CCNY: variants seen among roughly 807,000 people sequenced by gnomAD.
The protein encoded by CCNY is cyclin-Y.
A neutral mutation model predicts 42.8 loss-of-function variants in CCNY; 19 were observed. The observed-to-expected ratio is 0.44, with a 90% CI of 0.31 to 0.65. The LOEUF is 0.65. Among genes scored for constraint, CCNY ranks in the 30% least tolerant of loss-of-function variants. The pLI is 0.07. For synonymous variants in CCNY, 165 were observed against 162.7 expected (o/e 1.01, Z -0.11); for missense variants, 370 against 437.3 (o/e 0.85, Z 1.37).
chr10:35,333,945 A>T (rs1010405023), upstream of CCNY, among the ~76,000 whole-genome samples: 1 of 151,340 alleles, frequency 6.6e-6, no homozygotes, highest in Admixed American at 6.6e-5. Flanking sequence ...TTTTCTCTCC[A>T]GGATTCTTGA....
intron 3 of CCNY, among the ~76,000 whole-genome samples, chr10:35,253,841 T>C (rs1257149379): frequency 6.6e-6 from 1 of 151,824 alleles, no homozygotes; most frequent in African/African-American, 2.4e-5. Context: ...GCTATTGATG[T>C]TGCTCTCAAT....
At chr10:35,374,090 A>G (rs1387862428) in intron 1 of CCNY, among the ~76,000 whole-genome samples, 2 of 152,220 alleles carry the variant, frequency 1.3e-5, no homozygotes, top group Non-Finnish European at 2.9e-5. Context: ...CGTTTTCCCA[A>G]TTAAAGCCCC....
chr10:35,422,157 C>G (rs1286304563), intron 1 of CCNY, among the ~76,000 whole-genome samples: 2 of 152,112 alleles, frequency 1.3e-5, no homozygotes, highest in Non-Finnish European at 2.9e-5. Flanking sequence ...TTACACCTTT[C>G]TATTCTTTTA....
chr10:35,356,254 C>A (rs1156732349), intron 1 of CCNY, among the ~76,000 whole-genome samples: 2 of 152,152 alleles, frequency 1.3e-5, no homozygotes, highest in Non-Finnish European at 2.9e-5. Flanking sequence ...GGGTAGTTTT[C>A]ATTTTTGTTC....
intron 3 of CCNY, among the ~76,000 whole-genome samples, chr10:35,277,050 T>G (rs1030120832): frequency 6.6e-6 from 1 of 152,194 alleles, no homozygotes; most frequent in African/African-American, 2.4e-5. Context: ...TCATGCATAT[T>G]CTAGCTCCTG....
At position 35,465,938 on chromosome 10, in the gene CCNY, A is replaced by AGAGAGAGAGAGAGTGTGTGT; in HGVS notation, c.155-17465_155-17464insAGAGAGAGAGAGTGTGTGTG. 1.1e-3 allele frequency among the ~76,000 whole-genome samples: 92 copies of AGAGAGAGAGAGAGTGTGTGT among 81,014 alleles called. 1 individual carries two copies. The highest frequency in any genetic ancestry group is 3.5e-3 in the South Asian group (7 of 1,980). The allele number at this position is 81,014 out of a possible 152,430, so 53.1% of individuals were successfully genotyped here. A position where few individuals can be genotyped will look rare whatever the true frequency, so the allele number is the denominator to read the frequency against. ...GAGAGAGAGAGAGAGAGAGAGAGAG[A>AGAGAGAGAGAGAGTGTGTGT]GTGTGTGTGTGTGTGTGTGTGTCTG... On this transcript the variant is annotated intron_variant, in intron 1 of 9. Coordinates refer to ENST00000374704, the MANE Select transcript of CCNY (RefSeq NM_145012.6).
At chr10:35,555,804 T>TAATATCAAG (rs983872884) in intron 8 of CCNY, among the ~76,000 whole-genome samples, 1 of 152,230 alleles carries the variant, frequency 6.6e-6, no homozygotes, top group Non-Finnish European at 1.5e-5. Context: ...GAAATTAACT[T>TAATATCAAG]AATATCAAGA....
chr10:35,534,907 G>T (rs1407128837), intron 7 of CCNY, among the ~76,000 whole-genome samples: 1 of 150,706 alleles, frequency 6.6e-6, no homozygotes, highest in Non-Finnish European at 1.5e-5. Context: ...AGCATGTATA[G>T]TATGTCCTTT....
At chr10:35,265,261 T>C (rs530820817) in intron 3 of CCNY, among the ~76,000 whole-genome samples, 1 of 152,332 alleles carries the variant, frequency 6.6e-6, no homozygotes, top group Admixed American at 6.5e-5. Flanking sequence ...CCTATTGCGA[T>C]GGACATAATG....
chr10:35,555,780 G>A (rs907415758), intron 8 of CCNY, among the ~76,000 whole-genome samples: 1 of 152,188 alleles, frequency 6.6e-6, no homozygotes, highest in Non-Finnish European at 1.5e-5. Flanking sequence ...CAGTTGGCCA[G>A]TGTTCATTCA....
In CCNY at chr10:35,259,669, ATTGTTTTTT is replaced by A. The variant is rs1306668676; in HGVS notation, c.-9+9046_-9+9054del. ...AGACACACACCATCATGCCTGGCTA[ATTGTTTTTT>A]TTTTTTTTTTTTTTTTAGAGACGAG... On this transcript the variant is annotated intron_variant, in intron 3 of 11. Coordinates refer to the CCNY transcript ENST00000374706. 4.8e-3 allele frequency among the ~76,000 whole-genome samples: 556 copies of A among 115,106 alleles called. 5 individuals carry two copies. Among genetic ancestry groups the A allele is most frequent in the African/African-American group, 0.015 (496 of 34,202 alleles). The allele number at this position is 115,106 out of a possible 152,430, so 75.5% of individuals were successfully genotyped here.
intron 3 of CCNY, chr10:35,316,559 T>C (rs1222727340): frequency 6.6e-6 from 1 of 152,208 alleles, no homozygotes; most frequent in African/African-American, 2.4e-5. Flanking sequence ...GTTGCCAAAA[T>C]TGGGTGTAAT....
At chr10:35,290,263 C>CAA (rs1491512185) in intron 3 of CCNY, among the ~76,000 whole-genome samples, 1 of 148,556 alleles carries the variant, frequency 6.7e-6, no homozygotes. Flanking sequence ...CACACACACA[C>CAA]AAAATTAGCT....
chr10:35,348,431 G>C (rs1458583267), intron 1 of CCNY, among the ~76,000 whole-genome samples: 1 of 152,192 alleles, frequency 6.6e-6, no homozygotes, highest in Non-Finnish European at 1.5e-5. Context: ...TGTTGGTTCC[G>C]TTAGGGCACA....
intron 3 of CCNY, among the ~76,000 whole-genome samples, chr10:35,307,767 TG>T (rs1835626962): frequency 1.2e-4 from 8 of 67,418 alleles, no homozygotes; most frequent in African/African-American, 7.7e-4. Context: ...TATATGTGTG[TG>T]TGTGTGTGTG....
At chr10:35,481,704 A>G (rs1564428508) in intron 1 of CCNY, among the ~76,000 whole-genome samples, 1 of 152,220 alleles carries the variant, frequency 6.6e-6, no homozygotes, top group Admixed American at 6.5e-5. Flanking sequence ...TTTCTTGGAC[A>G]TTAAAAGCAT....
intron 1 of CCNY, among the ~76,000 whole-genome samples, chr10:35,342,413 C>T (rs1435234435): frequency 1.3e-5 from 2 of 152,200 alleles, no homozygotes; most frequent in Non-Finnish European, 2.9e-5. Flanking sequence ...CATGTGACTT[C>T]ATATTAGTTA....
intron 1 of CCNY, among the ~76,000 whole-genome samples, chr10:35,418,201 A>G (rs1838068389): frequency 6.6e-6 from 1 of 152,208 alleles, no homozygotes; most frequent in Non-Finnish European, 1.5e-5. Context: ...AGCAGGGAGC[A>G]GGGAAGTAGG....
At chr10:35,521,764 C>G (rs944037138) in intron 4 of CCNY, among the ~76,000 whole-genome samples, 4 of 152,156 alleles carry the variant, frequency 2.6e-5, no homozygotes, top group African/African-American at 9.7e-5. Flanking sequence ...GGATGGCACC[C>G]CGTTCACTGC....
Sources: gnomAD v4.1 joint callset for allele counts (sites outside exome capture counted in the v4.1 genomes callset) on GRCh38, gnomAD v4.1.1 for gene constraint, MANE v1.5 for transcripts, NCBI Gene and HGNC (gene_info 2026-07-23, HGNC 2026-07-21) for gene names.